The following DHX15 variants were observed in gnomAD, a reference collection of about 807,000 sequenced individuals.
DHX15 encodes ATP-dependent RNA helicase DHX15.
In DHX15, 11 loss-of-function variants were observed where a neutral mutation model predicts 94.4. The ratio of observed to expected loss-of-function variants is 0.12; its 90% CI spans 0.07 to 0.19. DHX15 has a LOEUF of 0.19. DHX15 is among the 10% of genes least tolerant of loss of function. The pLI, the probability that DHX15 is intolerant of heterozygous loss-of-function variation, is 1.00. For missense variants in DHX15, 304 were observed against 988.5 expected (o/e 0.31, Z 9.29); for synonymous variants, 338 against 329.9 (o/e 1.02, Z -0.27).
chr4:24,551,082 T>C (rs914141763), intron 5 of DHX15, among the ~76,000 whole-genome samples: 9 of 152,122 alleles, frequency 5.9e-5, no homozygotes, highest in African/African-American at 2.2e-4. Flanking sequence ...AGAGGAGACA[T>C]AATGAATATC....
At chr4:24,549,220 G>A (rs1272186485) in intron 5 of DHX15, among the ~76,000 whole-genome samples, 198 bp from the exon 6 acceptor site, 2 of 152,056 alleles carry the variant, frequency 1.3e-5, no homozygotes, top group Non-Finnish European at 2.9e-5. Flanking sequence ...TTTCATTTTT[G>A]TATTCAAATG....
At chr4:24,571,224 G>A (rs1322328105) in intron 2 of DHX15, among the ~76,000 whole-genome samples, 2 of 152,166 alleles carry the variant, frequency 1.3e-5, no homozygotes, top group Admixed American at 6.5e-5. Context: ...GCAAAATCAA[G>A]TGGAAATCAT....
rs1267539649 is a variant in DHX15 at position 24,547,939 on chromosome 4, ATATCTATATC to A, written c.1248+906_1248+915del. Reference sequence around the variant, plus strand: ...TATATATATATATATATATATATATATATCTATATCTATATCTATATCTATCTGCTGATGG... The same window carrying A: ...TATATATATATATATATATATATATATATATCTATATCTATCTGCTGATGG... On this transcript the variant is annotated intron_variant, in intron 6 of 13. Transcript: ENST00000336812. 2.6e-4 allele frequency among the ~76,000 whole-genome samples: 7 copies of A among 27,150 alleles called. 1 individual carries two copies. The East Asian group carries it at 4.1e-3, about 16-fold the overall frequency. The allele number at this position is 27,150 out of a possible 152,430, so 17.8% of individuals were successfully genotyped here. A position where few individuals can be genotyped will look rare whatever the true frequency, so the allele number is the denominator to read the frequency against.
rs140804392 is a variant in DHX15 at position 24,570,999 on chromosome 4, C to T, written c.508-152G>A. On this transcript the variant is annotated intron_variant, in intron 2 of 13. Transcript: ENST00000336812. ...TTGTGATTCAAAACTTGTAACAACA[C>T]AAGCTCTCTAAACCAAGGAACAGTT... The T allele has an allele frequency of 5.9e-4, 470 of 791,562 alleles. 4 individuals carry two copies. In the East Asian group the frequency reaches 0.01, roughly 17 times the overall value. The allele number at this position is 791,562 out of a possible 1,614,324, so 49.0% of individuals were successfully genotyped here. A position where few individuals can be genotyped will look rare whatever the true frequency, so the allele number is the denominator to read the frequency against.
At chr4:24,530,093 T>C (rs959595442) in intron 12 of DHX15, 5 of 386,470 alleles carry the variant, frequency 1.3e-5, no homozygotes, top group Non-Finnish European at 2.4e-5. Flanking sequence ...AGGAAAGTTT[T>C]ATTAGAACAC....
chr4:24,581,928 T>C (rs1180689196), intron 1 of DHX15, among the ~76,000 whole-genome samples: 10 of 152,176 alleles, frequency 6.6e-5, no homozygotes, highest in Admixed American at 6.5e-4. Context: ...AAATAAAGCC[T>C]TATATAGTTT....
At chr4:24,554,565 A>T (rs993798478) in intron 5 of DHX15, among the ~76,000 whole-genome samples, 160 bp downstream of exon 5, 11 of 152,378 alleles carry the variant, frequency 7.2e-5, no homozygotes, top group African/African-American at 2.6e-4. Context: ...GTATTCCTAC[A>T]GTATGCAGAT....
intron 1 of DHX15, among the ~76,000 whole-genome samples, chr4:24,583,537 C>A (rs1722518930): frequency 6.6e-6 from 1 of 151,860 alleles, no homozygotes; most frequent in Non-Finnish European, 1.5e-5. Flanking sequence ...CAGTTTTAAC[C>A]AAAGCAGGAA....
chr4:24,570,965 C>T (rs1418440467), intron 2 of DHX15, 118 bp from the exon 3 acceptor site: 10 of 1,018,016 alleles, frequency 9.8e-6, no homozygotes, highest in Non-Finnish European at 1.4e-5. Context: ...AGGCAAATGA[C>T]TATAAGACTT....
At chr4:24,541,084 T>C in intron 8 of DHX15, 136 bp from the exon 9 acceptor site, 2 of 522,252 alleles carry the variant, frequency 3.8e-6, no homozygotes, top group South Asian at 3.1e-5. Flanking sequence ...AGATAAATAC[T>C]TGTAGGCTAG....
intron 8 of DHX15, 40 bp from the exon 9 acceptor site, chr4:24,540,988 T>C (rs777736212): frequency 2.3e-6 from 3 of 1,305,670 alleles, no homozygotes; most frequent in East Asian, 2.3e-5. Context: ...ATGTTAAAAA[T>C]GCCTCAGTCT....
chr4:24,575,984 G>A (rs1722257921), intron 2 of DHX15, among the ~76,000 whole-genome samples: 1 of 152,088 alleles, frequency 6.6e-6, no homozygotes, highest in South Asian at 2.1e-4. Context: ...TGTACTGTCC[G>A]GGAGTCAAAA....
chr4:24,532,838 T>C, intron 12 of DHX15, 26 bp downstream of exon 12: 2 of 1,513,318 alleles, frequency 1.3e-6, no homozygotes, highest in Non-Finnish European at 1.8e-6. Flanking sequence ...AATACTTAGT[T>C]ATTCATTCCC....
At position 24,570,581 on chromosome 4, in the gene DHX15, G is replaced by T. The variant is rs574455351; in HGVS notation, c.701+73C>A. On this transcript the variant is annotated intron_variant, in intron 3 of 13. Transcript: ENST00000336812. The stretch of plus-strand genomic sequence containing the variant: ...ATTTGGATGACATAAGCCTGCACTA[G>T]CAAAGTCTTCTATCTAATAGCAGAA... 4 of 1,430,634 alleles carry T rather than the reference G, an allele frequency of 2.8e-6. No individual in the cohort carries two copies. In the East Asian group the frequency reaches 9.2e-5, roughly 33 times the overall value. The allele number at this position is 1,430,634 out of a possible 1,614,324, so 88.6% of individuals were successfully genotyped here.
intron 1 of DHX15, among the ~76,000 whole-genome samples, chr4:24,579,064 T>A (rs1008095107): frequency 2.0e-5 from 3 of 152,200 alleles, no homozygotes; most frequent in Non-Finnish European, 4.4e-5. Context: ...AAACAAAGGA[T>A]GTATAAAATA....
In DHX15 at chr4:24,556,233, GAGA is replaced by G. The variant is rs1270899974; in HGVS notation, c.861+15_861+17del. On this transcript the variant is annotated intron_variant, in intron 4 of 13. Coordinates refer to ENST00000336812, the MANE Select transcript of DHX15 (RefSeq NM_001358.3). Reference sequence around the variant, plus strand: ...ATACACACATATATAGTTAAATGGAGAGAAGAAATTACTTCACCTTTAAATCTG... The same window carrying G: ...ATACACACATATATAGTTAAATGGAGAGAAATTACTTCACCTTTAAATCTG... 2 of 1,610,254 alleles carry G rather than the reference GAGA, an allele frequency of 1.2e-6. No individual in the cohort carries two copies. The highest frequency in any genetic ancestry group is 2.7e-5 in the African/African-American group (2 of 74,826).
intron 5 of DHX15, among the ~76,000 whole-genome samples, chr4:24,549,760 T>C (rs928494838): frequency 3.9e-5 from 6 of 152,054 alleles, no homozygotes; most frequent in African/African-American, 1.2e-4. Flanking sequence ...TGGGAAGTGT[T>C]TGTTCATCTA....
Position 24,540,132 on chromosome 4 carries a change from G to A in DHX15, c.1762C>T (p.Leu588=), listed in dbSNP as rs372466605. ...SCDYNCSNEV[L]SITAMLSVPQ... Reference sequence around the variant, plus strand: ...CCTGACAACATAGCAGTAATAGATAGGACCTCATTAGAACAGTTGTAGTCA... The same window carrying A: ...CCTGACAACATAGCAGTAATAGATAAGACCTCATTAGAACAGTTGTAGTCA... The change falls in exon 10 of 14, where the codon CTA becomes TTA. Residue 588 remains leucine, a synonymous_variant. Coordinates refer to ENST00000336812, the MANE Select transcript of DHX15 (RefSeq NM_001358.3). 6.2e-7 allele frequency: 1 copy of A among 1,606,432 alleles called. No homozygotes were observed. The highest frequency in any genetic ancestry group is 1.3e-5 in the African/African-American group (1 of 74,468).
At chr4:24,547,431 T>C (rs1270235634) in intron 6 of DHX15, among the ~76,000 whole-genome samples, 1 of 152,144 alleles carries the variant, frequency 6.6e-6, no homozygotes, top group Admixed American at 6.5e-5. Context: ...ACAAAAACTT[T>C]AATTTACTTC....
Sources: gnomAD v4.1 joint callset for allele counts (sites outside exome capture counted in the v4.1 genomes callset) on GRCh38, gnomAD v4.1.1 for gene constraint, MANE v1.5 for transcripts, NCBI Gene and HGNC (gene_info 2026-07-23, HGNC 2026-07-21) for gene names.